The following BOK variants were observed in gnomAD, a reference collection of about 807,000 sequenced individuals.
BOK encodes the protein BCL2 family apoptosis regulator BOK, also known as bcl-2-related ovarian killer protein.
In BOK, 20 loss-of-function variants were observed where a neutral mutation model predicts 18.3. The observed-to-expected ratio is 1.09, with a 90% confidence interval of 0.77 to 1.59. The LOEUF (loss-of-function observed/expected upper bound fraction) is 1.59. BOK is among the 40% of genes most tolerant of loss of function. The pLI is 0.00. For missense variants in BOK, 348 were observed against 307.9 expected, an observed-to-expected ratio of 1.13 and a Z score of -0.97; for synonymous variants, 173 against 142.4, an observed-to-expected ratio of 1.21 and a Z score of -1.53.
At chr2:241,569,200 A>G (rs916189355) in intron 3 of BOK, among the ~76,000 whole-genome samples, 4 of 152,290 alleles carry the variant, frequency 2.6e-5, no homozygotes, top group East Asian at 3.9e-4. Context: ...GCGCGATCTC[A>G]GCTCACTGCA....
In BOK at chr2:241,562,394, G is replaced by T. The variant is rs771523960; in HGVS notation, c.267G>T (p.Ala89=). 1 of 1,611,978 alleles carries T rather than the reference G, an allele frequency of 6.2e-7. No homozygotes were observed. Among genetic ancestry groups the T allele is most frequent in the Non-Finnish European group, 8.5e-7 (1 of 1,179,780 alleles). The stretch of plus-strand genomic sequence containing the variant: ...GGCCCAGCGTCTACCGCAACGTGGC[G>T]CGTCAGCTGCACATCTCCCTGCAGT... ...MIRPSVYRNV[A]RQLHISLQSE... is the part of the protein sequence containing the mutation. The change falls in exon 3 of 5, where the codon GCG becomes GCT. Residue 89 remains alanine (A), a synonymous_variant. Transcript: ENST00000318407. The surrounding 1 kb of genome is among the most constrained non-coding windows in gnomAD (Gnocchi z 4.5).
chr2:241,571,325 G>A (rs1017939393), intron 4 of BOK, among the ~76,000 whole-genome samples: 3 of 152,164 alleles, frequency 2.0e-5, no homozygotes, highest in Admixed American at 6.5e-5. Flanking sequence ...AGTTGCCGCT[G>A]GGCCCTGGGT....
chr2:241,572,149 G>T, intron 4 of BOK, 148 bp from the exon 5 acceptor site: 1 of 1,304,012 alleles, frequency 7.7e-7, no homozygotes, highest in Non-Finnish European at 1.0e-6. Flanking sequence ...CTTCAGTCCA[G>T]GCCACAGACC....
At position 241,570,154 on chromosome 2, in the gene BOK, T is replaced by A. The variant is rs768998060; in HGVS notation, c.379T>A (p.Tyr127Asn). The change falls in exon 4 of 5, where the codon TAT becomes AAT. Residue 127 changes from tyrosine (Y) to asparagine (N), a missense_variant. Physicochemically the swap from Tyr to Asn is moderately radical, Grantham distance 143 (BLOSUM62 -2). Transcript: ENST00000318407. ...GITWGKVVSLYAVAAGLAVDC... is the reference protein window; with the variant it reads ...GITWGKVVSLNAVAAGLAVDC... ...CACGTGGGGCAAGGTGGTGTCCCTG[T>A]ATGCGGTGGCCGCGGGGCTGGCCGT... The A allele has an allele frequency of 1.2e-6, 2 of 1,611,750 alleles. No homozygotes were observed. Among genetic ancestry groups the A allele is most frequent in the Non-Finnish European group, 1.7e-6 (2 of 1,179,422 alleles).
chr2:241,559,397 C>T (rs562127739), intron 1 of BOK, 58 bp from the exon 2 acceptor site: 2 of 1,146,086 alleles, frequency 1.7e-6, no homozygotes, highest in African/African-American at 1.6e-5. Flanking sequence ...CCCGGCGCCC[C>T]GCGCGCCCCG....
chr2:241,557,927 A>G (rs2066466193), upstream of BOK, among the ~76,000 whole-genome samples: 1 of 152,220 alleles, frequency 6.6e-6, no homozygotes, highest in Non-Finnish European at 1.5e-5. Context: ...CTATGTGCAC[A>G]TGGGAAGAAT....
rs1170035977 is a variant in BOK, at chr2:241,559,826, G to A, written c.220+123G>A. ...CACCCCCTGCCTGGGACGGCCAGGCGCTCGGGACAGGGCCACCCAGGCGGG... is the reference window on the plus strand; with the variant it reads ...CACCCCCTGCCTGGGACGGCCAGGCACTCGGGACAGGGCCACCCAGGCGGG... On this transcript the variant is annotated intron_variant, in intron 2 of 4. Transcript: ENST00000318407. The A allele has an allele frequency of 3.5e-6, 4 of 1,134,630 alleles. No individual in the cohort carries two copies. The East Asian group carries it at 1.3e-4, about 37-fold the overall frequency. 70.3% of individuals were successfully genotyped at this position (1,134,630 alleles called of 1,614,324 possible). A position where few individuals can be genotyped will look rare whatever the true frequency, so the allele number is the denominator to read the frequency against.
chr2:241,564,341 C>T (rs901152180), intron 3 of BOK, among the ~76,000 whole-genome samples: 1 of 152,172 alleles, frequency 6.6e-6, no homozygotes, highest in South Asian at 2.1e-4. Flanking sequence ...CCCTGTCTGG[C>T]GCTCCTGGGG....
At chr2:241,553,857 A>G (rs1044906377), upstream of BOK, among the ~76,000 whole-genome samples, 2 of 152,088 alleles carry the variant, frequency 1.3e-5, no homozygotes, top group Non-Finnish European at 2.9e-5. Flanking sequence ...CCCAAGGGGT[A>G]CCCCTCAGTG....
intron 2 of BOK, chr2:241,559,937 C>A: frequency 3.3e-6 from 2 of 609,730 alleles, no homozygotes; most frequent in Non-Finnish European, 4.1e-6. Context: ...GTCATGCTGG[C>A]CATAAACAAT....
chr2:241,554,922 G>A (rs948179674), upstream of BOK, among the ~76,000 whole-genome samples: 7 of 152,214 alleles, frequency 4.6e-5, no homozygotes, highest in African/African-American at 1.7e-4. Context: ...GGTCAACACT[G>A]GGGCAGAGAG....
At chr2:241,554,201 C>T (rs550451740), upstream of BOK, among the ~76,000 whole-genome samples, 261 of 152,242 alleles carry the variant, frequency 1.7e-3, no homozygotes, top group African/African-American at 6.2e-3. Flanking sequence ...GGGGCTGGCT[C>T]TGTATGGCAG....
intron 1 of BOK, chr2:241,551,558 T>C (rs866979201): frequency 6.6e-6 from 1 of 152,134 alleles, no homozygotes; most frequent in Non-Finnish European, 1.5e-5. Flanking sequence ...CTCCGAGGTT[T>C]AGAATAAGCT....
At chr2:241,559,805 C>T in intron 2 of BOK, 102 bp downstream of exon 2, 1 of 1,217,532 alleles carries the variant, frequency 8.2e-7, no homozygotes, top group African/African-American at 1.6e-5. Context: ...GGCGCCCACC[C>T]CCTGCCTGGG....
At chr2:241,555,669 G>A (rs946910556), upstream of BOK, among the ~76,000 whole-genome samples, 12 of 152,126 alleles carry the variant, frequency 7.9e-5, no homozygotes, top group Non-Finnish European at 1.5e-4. Context: ...GAGCCACCAC[G>A]CCTGGCACAC....
intron 3 of BOK, among the ~76,000 whole-genome samples, chr2:241,567,193 G>A (rs1269528214): frequency 7.7e-6 from 1 of 129,474 alleles, no homozygotes; most frequent in Non-Finnish European, 1.6e-5. Flanking sequence ...GGAATGAAGA[G>A]TTGTGATCTT....
intron 3 of BOK, among the ~76,000 whole-genome samples, chr2:241,564,494 AT>A (rs2066580052): frequency 7.0e-6 from 1 of 143,000 alleles, no homozygotes; most frequent in Admixed American, 6.9e-5. Flanking sequence ...GAGGCGTGTC[AT>A]GGGGCAGACC....
In BOK at chr2:241,562,534, C is replaced by T; in HGVS notation, c.349+58C>T. On this transcript the variant is annotated intron_variant, in intron 3 of 4. Transcript: ENST00000318407. This position sits in a 1 kb window ranked among gnomAD's most constrained non-coding sequence, Gnocchi z 4.5. ...AGGGAGGGATCCAGGGTCTGTGGCT[C>T]AGGCTCACAGGGACCCCACGAGCTG... 2.6e-6 allele frequency: 4 copies of T among 1,537,004 alleles called. No individual in the cohort carries two copies. Among genetic ancestry groups the T allele is most frequent in the African/African-American group, 2.7e-5 (2 of 73,146 alleles).
At chr2:241,554,244 G>T (rs146119690), upstream of BOK, among the ~76,000 whole-genome samples, 1 of 152,190 alleles carries the variant, frequency 6.6e-6, no homozygotes. Flanking sequence ...GGACCAGGGT[G>T]GGGGAGGCAA....
Sources: allele counts gnomAD v4.1 joint callset (sites outside exome capture counted in the v4.1 genomes callset), GRCh38; gene constraint gnomAD v4.1.1; non-coding constraint Gnocchi (gnomAD v3.1); transcripts MANE v1.5; gene names NCBI Gene and HGNC (gene_info 2026-07-23, HGNC 2026-07-21).